OVOL2: variants seen among roughly 807,000 people sequenced by gnomAD.
OVOL2 encodes transcription factor Ovo-like 2.
In OVOL2, 13 loss-of-function variants were observed where a neutral mutation model predicts 18.1. That is an observed-to-expected ratio of 0.72 (90% CI 0.47 to 1.14). OVOL2 has a LOEUF of 1.14. OVOL2 is among the 50% of genes most tolerant of loss of function. The probability of loss-of-function intolerance (pLI) is 0.00; values close to 1 mark genes in which losing one functional copy is unlikely to be tolerated. For synonymous variants in OVOL2, 166 were observed against 162.7 expected (o/e 1.02, Z -0.16); for missense variants, 335 against 383.0 (o/e 0.87, Z 1.05).
chr20:18,054,766 C>CA (rs745367889), intron 2 of OVOL2, among the ~76,000 whole-genome samples: 9,157 of 62,730 alleles, frequency 0.15, 406 homozygotes, highest in Middle Eastern at 0.17. Context: ...AACTCCATCT[C>CA]AAAAAAAAAA....
At chr20:18,050,192 G>T (rs1464848097) in intron 2 of OVOL2, among the ~76,000 whole-genome samples, 1 of 152,196 alleles carries the variant, frequency 6.6e-6, no homozygotes, top group Non-Finnish European at 1.5e-5. Context: ...TGAAAACTAC[G>T]CTTCCCTGAC....
chr20:18,027,473 A>G (rs1320396424), intron 3 of OVOL2, among the ~76,000 whole-genome samples: 5 of 151,190 alleles, frequency 3.3e-5, no homozygotes, highest in African/African-American at 7.3e-5. Context: ...AGTTGCAGTG[A>G]GTCGAGATTG....
chr20:18,025,343 G>A (rs1213918282), intron 3 of OVOL2, among the ~76,000 whole-genome samples: 4 of 152,130 alleles, frequency 2.6e-5, no homozygotes, highest in Admixed American at 2.0e-4. Context: ...CGAGGCAGGC[G>A]GATGACTTGA....
Position 18,056,596 on chromosome 20 carries a change from C to G in OVOL2, c.321+61G>C, listed in dbSNP as rs1358393615. On this transcript the variant is annotated intron_variant, in intron 2 of 3. Coordinates refer to ENST00000278780, the MANE Select transcript of OVOL2 (RefSeq NM_021220.4). This position sits in a 1 kb window ranked among gnomAD's most constrained non-coding sequence, Gnocchi z 4.2. ...GGGCGCGGCAGGGAGGGGCGCCGGC[C>G]TCGGGAGCCCGACGCCAGGGCGTGG... 5 of 1,313,120 alleles carry G rather than the reference C, an allele frequency of 3.8e-6. No individual in the cohort carries two copies. The highest frequency in any genetic ancestry group is 4.9e-6 in the Non-Finnish European group (5 of 1,029,070). 81.3% of individuals were successfully genotyped at this position (1,313,120 alleles called of 1,614,324 possible).
intron 3 of OVOL2, among the ~76,000 whole-genome samples, chr20:18,033,483 G>A (rs1473105702): frequency 6.6e-6 from 1 of 152,226 alleles, no homozygotes; most frequent in African/African-American, 2.4e-5. Context: ...CCACGGATGT[G>A]TGTGCCCTTC....
In OVOL2 at chr20:18,057,866, C is replaced by T. The variant is rs1210249592; in HGVS notation, c.-232G>A. The stretch of plus-strand genomic sequence containing the variant: ...ATGCCTTAAATCGCGAGTGAGACCA[C>T]GCCGGGGAAAAAGTTTCATAAGGTG... On this transcript the variant is annotated 5_prime_UTR_variant, in exon 1 of 4. In the 5' UTR this introduces an upstream ATG that the reference lacks. Coordinates refer to ENST00000278780, the MANE Select transcript of OVOL2 (RefSeq NM_021220.4). The surrounding 1 kb of genome is among the most constrained non-coding windows in gnomAD (Gnocchi z 6.3). The T allele has an allele frequency of 7.5e-7, 1 of 1,338,714 alleles. No homozygotes were observed. Among genetic ancestry groups the T allele is most frequent in the Non-Finnish European group, 9.5e-7 (1 of 1,051,472 alleles). The allele number at this position is 1,338,714 out of a possible 1,614,324, so 82.9% of individuals were successfully genotyped here.
intron 2 of OVOL2, among the ~76,000 whole-genome samples, chr20:18,045,974 G>A (rs2122715901): frequency 6.6e-6 from 1 of 152,288 alleles, no homozygotes; most frequent in East Asian, 1.9e-4. Flanking sequence ...TCACCAAGAA[G>A]TGGCTCAGGT....
rs1174742315 is a variant in OVOL2 at position 18,024,427 on chromosome 20, G to T, written c.*209C>A. The T allele has an allele frequency of 9.3e-6, 10 of 1,079,132 alleles. No individual in the cohort carries two copies. In the East Asian group the frequency reaches 1.4e-4, roughly 15 times the overall value. 66.8% of individuals were successfully genotyped at this position (1,079,132 alleles called of 1,614,324 possible). ...AACTTTGGTGAATGTGAGCAACTGC[G>T]CCAGACAGGACACAGGTTACAGGGC... is the stretch of plus-strand genomic sequence containing the variant. On this transcript the variant is annotated 3_prime_UTR_variant, in exon 4 of 4. Transcript: ENST00000278780.
At chr20:18,026,540 C>A (rs1008905054) in intron 3 of OVOL2, among the ~76,000 whole-genome samples, 10 of 152,128 alleles carry the variant, frequency 6.6e-5, no homozygotes, top group African/African-American at 2.4e-4. Flanking sequence ...CGCCACCACG[C>A]CCAGCTAATT....
chr20:18,027,479 G>A lies in OVOL2; in HGVS notation c.512-2527C>T, dbSNP rs183354014. 1.1e-4 allele frequency among the ~76,000 whole-genome samples: 16 copies of A among 150,998 alleles called. No individual in the cohort carries two copies. In the East Asian group the frequency reaches 3.1e-3, roughly 30 times the overall value. Reference sequence around the variant, plus strand: ...GGAGGCAGAAGTTGCAGTGAGTCGAGATTGTGCCACTGCACTCTAGCCTGC... The same window carrying A: ...GGAGGCAGAAGTTGCAGTGAGTCGAAATTGTGCCACTGCACTCTAGCCTGC... On this transcript the variant is annotated intron_variant, in intron 3 of 3. Transcript: ENST00000278780.
intron 3 of OVOL2, among the ~76,000 whole-genome samples, chr20:18,026,443 G>A (rs1018865493): frequency 6.0e-5 from 9 of 149,374 alleles, no homozygotes; most frequent in Non-Finnish European, 7.4e-5. Flanking sequence ...GTGCAGTGGC[G>A]CAATCTCAGC....
rs751962795 is a variant in OVOL2, at chr20:18,041,637, A to T, written c.408T>A (p.Arg136=). 1 of 1,614,076 alleles carries T rather than the reference A, an allele frequency of 6.2e-7. No individual in the cohort carries two copies. Among genetic ancestry groups the T allele is most frequent in the Non-Finnish European group, 8.5e-7 (1 of 1,180,002 alleles). ...TCACCTGGTTGTGGCACTTGAGGTG[A>T]CGGTTCAGCATGCGCTGCAGACGGA... ...KGFRLQRMLN[R]HLKCHNQVKR... Residue 136 remains arginine (R), a synonymous_variant, in exon 3 of 4, where the codon CGT becomes CGA. Coordinates refer to ENST00000278780, the MANE Select transcript of OVOL2 (RefSeq NM_021220.4).
chr20:18,034,361 C>G (rs1285491099), intron 3 of OVOL2, among the ~76,000 whole-genome samples: 1 of 152,156 alleles, frequency 6.6e-6, no homozygotes, highest in Non-Finnish European at 1.5e-5. Context: ...CATTCACACT[C>G]CTGATCCCCC....
intron 3 of OVOL2, among the ~76,000 whole-genome samples, chr20:18,032,361 AAAAG>A (rs2036579017): frequency 7.0e-6 from 1 of 142,648 alleles, no homozygotes; most frequent in Admixed American, 7.0e-5. Flanking sequence ...AAGAAAAGAA[AAAAG>A]AAGGAAGGGA....
chr20:18,057,824 C>T lies in OVOL2; in HGVS notation c.-190G>A. 7.3e-7 allele frequency: 1 copy of T among 1,365,418 alleles called. No homozygotes were observed. 84.6% of individuals were successfully genotyped at this position (1,365,418 alleles called of 1,614,324 possible). ...CGCACGCCTGGCGACTCCCAGCCTCCCGGCTCGGCGACACCTATGCCTTAA... is the reference window on the plus strand; with the variant it reads ...CGCACGCCTGGCGACTCCCAGCCTCTCGGCTCGGCGACACCTATGCCTTAA... On this transcript the variant is annotated 5_prime_UTR_variant, in exon 1 of 4. Transcript: ENST00000278780. This position sits in a 1 kb window ranked among gnomAD's most constrained non-coding sequence, Gnocchi z 6.3.
At chr20:18,049,299 TCAAAGC>T (rs2036751407) in intron 2 of OVOL2, among the ~76,000 whole-genome samples, 2 of 152,152 alleles carry the variant, frequency 1.3e-5, no homozygotes, top group African/African-American at 4.8e-5. Flanking sequence ...CTGACCAGCT[TCAAAGC>T]CGGCTCAGAT....
intron 3 of OVOL2, among the ~76,000 whole-genome samples, chr20:18,027,528 CAAAA>C (rs111486319): frequency 1.4e-5 from 2 of 142,664 alleles, no homozygotes; most frequent in Non-Finnish European, 1.5e-5. Flanking sequence ...ACTCCGTCTC[CAAAA>C]AAAAAAAAAA....
rs147228202 is a variant in OVOL2, at chr20:18,042,069, C to T, written c.322-346G>A. ...GGGACTACAGGGGCACATACAACCA[C>T]GCCTGGCTAATTTTTGTATTTTCAG... On this transcript the variant is annotated intron_variant, in intron 2 of 3. Coordinates refer to ENST00000278780, the MANE Select transcript of OVOL2 (RefSeq NM_021220.4). Among the ~76,000 whole-genome samples, 240 of 152,072 alleles carry T rather than the reference C, an allele frequency of 1.6e-3. 1 individual carries two copies. Among genetic ancestry groups the T allele is most frequent in the Non-Finnish European group, 2.9e-3 (198 of 67,988 alleles).
chr20:18,037,198 G>A (rs1281173889), intron 3 of OVOL2, among the ~76,000 whole-genome samples: 1 of 151,996 alleles, frequency 6.6e-6, no homozygotes, highest in Non-Finnish European at 1.5e-5. Flanking sequence ...CCTGCCTCAG[G>A]GGGAATGCTG....
Sources: allele counts gnomAD v4.1 joint callset (sites outside exome capture counted in the v4.1 genomes callset), GRCh38; gene constraint gnomAD v4.1.1; non-coding constraint Gnocchi (gnomAD v3.1); transcripts MANE v1.5; gene names NCBI Gene and HGNC (gene_info 2026-07-23, HGNC 2026-07-21).